UBE2E2: variants seen among roughly 807,000 people sequenced by gnomAD.
The protein encoded by UBE2E2 is ubiquitin conjugating enzyme E2 E2.
In UBE2E2, 6 loss-of-function variants were observed where a neutral mutation model predicts 24.7. The ratio of observed to expected loss-of-function variants is 0.24; its 90% CI spans 0.13 to 0.48. The LOEUF (loss-of-function observed/expected upper bound fraction) is 0.48. UBE2E2 is among the 20% of genes least tolerant of loss of function. The probability of loss-of-function intolerance (pLI) is 0.99; values close to 1 mark genes in which losing one functional copy is unlikely to be tolerated. For missense variants in UBE2E2, 169 were observed against 245.0 expected, an observed-to-expected ratio of 0.69 and a Z score of 2.07; for synonymous variants, 104 against 83.6, an observed-to-expected ratio of 1.24 and a Z score of -1.33.
At chr3:23,314,012 A>G (rs976474942) in intron 3 of UBE2E2, among the ~76,000 whole-genome samples, 1 of 152,182 alleles carries the variant, frequency 6.6e-6, no homozygotes, top group African/African-American at 2.4e-5. Flanking sequence ...TGATTGCATA[A>G]ACAAGCAAAC....
intron 3 of UBE2E2, among the ~76,000 whole-genome samples, chr3:23,256,406 C>T (rs1003732142): frequency 1.1e-4 from 17 of 152,030 alleles, no homozygotes; most frequent in Admixed American, 2.6e-4. Context: ...AAGGATACTC[C>T]GTAACAAAGT....
intron 3 of UBE2E2, among the ~76,000 whole-genome samples, chr3:23,377,801 A>T (rs996682747): frequency 6.6e-6 from 1 of 152,246 alleles, no homozygotes; most frequent in Non-Finnish European, 1.5e-5. Context: ...ACAGAACCTG[A>T]TATATGATAA....
At chr3:23,421,117 T>C (rs573606799) in intron 3 of UBE2E2, among the ~76,000 whole-genome samples, 116 of 152,340 alleles carry the variant, frequency 7.6e-4, no homozygotes, top group South Asian at 2.3e-3. Flanking sequence ...CTTAGGCATC[T>C]TGTAAGGATT....
intron 3 of UBE2E2, among the ~76,000 whole-genome samples, chr3:23,257,524 C>CAA (rs1697766387): frequency 2.0e-5 from 1 of 49,724 alleles, no homozygotes; most frequent in African/African-American, 7.4e-5. Flanking sequence ...CCCCCCCCCC[C>CAA]CCCCACTTTT....
intron 3 of UBE2E2, among the ~76,000 whole-genome samples, chr3:23,405,741 T>G (rs1264593236): frequency 6.6e-6 from 1 of 152,154 alleles, no homozygotes; most frequent in Non-Finnish European, 1.5e-5. Flanking sequence ...CTTTAACATT[T>G]TGTTTAGTTT....
intron 3 of UBE2E2, among the ~76,000 whole-genome samples, chr3:23,336,630 G>A (rs1049498167): frequency 6.6e-6 from 1 of 152,138 alleles, no homozygotes; most frequent in Non-Finnish European, 1.5e-5. Flanking sequence ...ACATAAAGCA[G>A]GCTAACGTAG....
chr3:23,571,435 G>A (rs1364837532), intron 5 of UBE2E2, among the ~76,000 whole-genome samples: 8 of 151,216 alleles, frequency 5.3e-5, no homozygotes, highest in South Asian at 2.1e-4. Context: ...GATTACAGGC[G>A]TGTGCCACCA....
At chr3:23,497,682 G>T (rs1478035679) in intron 3 of UBE2E2, among the ~76,000 whole-genome samples, 1 of 152,164 alleles carries the variant, frequency 6.6e-6, no homozygotes, top group Non-Finnish European at 1.5e-5. Context: ...GTGCACTCAT[G>T]ACGTTCCTTT....
chr3:23,511,278 G>T (rs1694588893), intron 4 of UBE2E2, among the ~76,000 whole-genome samples: 1 of 152,232 alleles, frequency 6.6e-6, no homozygotes, highest in Non-Finnish European at 1.5e-5. Flanking sequence ...TTCTCCAGAT[G>T]TTGCCAAGTA....
chr3:23,264,306 C>T (rs537123781), intron 3 of UBE2E2, among the ~76,000 whole-genome samples: 5 of 149,918 alleles, frequency 3.3e-5, no homozygotes, highest in East Asian at 1.9e-4. Flanking sequence ...ATAGCTGGAC[C>T]GTGAGTTTGA....
intron 3 of UBE2E2, among the ~76,000 whole-genome samples, chr3:23,495,799 G>C (rs920863532): frequency 6.6e-6 from 1 of 152,132 alleles, no homozygotes; most frequent in Non-Finnish European, 1.5e-5. Context: ...CTCAGGAAAA[G>C]GAGGTAATGG....
chr3:23,563,833 C>T (rs913070132), intron 5 of UBE2E2, among the ~76,000 whole-genome samples: 2 of 151,792 alleles, frequency 1.3e-5, no homozygotes, highest in African/African-American at 4.8e-5. Flanking sequence ...GTGTATTTTC[C>T]GTAAGACTGC....
intron 5 of UBE2E2, among the ~76,000 whole-genome samples, chr3:23,569,121 A>G (rs888330463): frequency 6.6e-6 from 1 of 152,212 alleles, no homozygotes; most frequent in Non-Finnish European, 1.5e-5. Flanking sequence ...TAACTGATAT[A>G]TTCATACAAT....
intron 3 of UBE2E2, among the ~76,000 whole-genome samples, chr3:23,490,545 T>G (rs1428347179): frequency 6.6e-6 from 1 of 152,156 alleles, no homozygotes; most frequent in Non-Finnish European, 1.5e-5. Context: ...GTGTACTCAT[T>G]GCAAGGTATC....
At chr3:23,206,300 G>GA (rs200156411) in intron 1 of UBE2E2, among the ~76,000 whole-genome samples, 2 of 150,714 alleles carry the variant, frequency 1.3e-5, no homozygotes, top group African/African-American at 2.4e-5. Context: ...GAAAGAAGGT[G>GA]AAAAAAAATA....
At chr3:23,355,388 C>T (rs74743894) in intron 3 of UBE2E2, among the ~76,000 whole-genome samples, 1 of 151,790 alleles carries the variant, frequency 6.6e-6, no homozygotes, top group Non-Finnish European at 1.5e-5. Flanking sequence ...TAATGAAAGA[C>T]AAAAAAGAAG....
intron 5 of UBE2E2, among the ~76,000 whole-genome samples, chr3:23,548,635 C>G (rs145667775): frequency 6.4e-4 from 98 of 152,280 alleles, no homozygotes; most frequent in Middle Eastern, 3.4e-3. Context: ...CATTTCCAGC[C>G]TCCTGATTTT....
intron 3 of UBE2E2, among the ~76,000 whole-genome samples, chr3:23,329,358 C>T (rs539517385): frequency 1.3e-5 from 2 of 152,110 alleles, no homozygotes; most frequent in East Asian, 1.9e-4. Flanking sequence ...ATATAATTTT[C>T]GCTTTATAGT....
intron 3 of UBE2E2, among the ~76,000 whole-genome samples, chr3:23,319,935 A>G (rs1386493552): frequency 6.6e-6 from 1 of 152,174 alleles, no homozygotes; most frequent in African/African-American, 2.4e-5. Flanking sequence ...GTCATGGAAC[A>G]TAGCTGAGAT....
Sources: gnomAD v4.1 joint callset for allele counts (sites outside exome capture counted in the v4.1 genomes callset) on GRCh38, gnomAD v4.1.1 for gene constraint, MANE v1.5 for transcripts, NCBI Gene and HGNC (gene_info 2026-07-23, HGNC 2026-07-21) for gene names.